The following KAT14 variants were observed in gnomAD, a reference collection of about 807,000 sequenced individuals.
KAT14 encodes the protein cysteine-rich protein 2-binding protein.
A neutral mutation model predicts 78.4 loss-of-function variants in KAT14; 66 were observed. The observed-to-expected ratio is 0.84, with a 90% CI of 0.69 to 1.03. The LOEUF (loss-of-function observed/expected upper bound fraction) is 1.03, where lower values mean the gene tolerates loss of function less well. Among genes scored for constraint, KAT14 ranks in the 50% least tolerant of loss-of-function variants. KAT14 has a pLI of 0.00. For missense variants in KAT14, 870 were observed against 972.5 expected, an observed-to-expected ratio of 0.89 and a Z score of 1.40; for synonymous variants, 344 against 359.4, an observed-to-expected ratio of 0.96 and a Z score of 0.48.
chr20:18,187,309 C>T lies in KAT14; in HGVS notation c.2196C>T (p.Thr732=), dbSNP rs41276420. ...AGACCTGCATGGGCAAGGACGTAACCCTTCACGTCTCAGCAAGCAACCCCG... is the reference window on the plus strand; with the variant it reads ...AGACCTGCATGGGCAAGGACGTAACTCTTCACGTCTCAGCAAGCAACCCCG... ...LIQTCMGKDV[T]LHVSASNPAM... is the part of the protein sequence containing the mutation. The change falls in exon 11 of 11, where the codon ACC becomes ACT. Residue 732 remains threonine, a synonymous_variant. Transcript: ENST00000688188. 3.6e-4 allele frequency: 581 copies of T among 1,612,314 alleles called. No homozygotes were observed. Among genetic ancestry groups the T allele is most frequent in the Non-Finnish European group, 4.8e-4 (570 of 1,179,550 alleles).
intron 5 of KAT14, among the ~76,000 whole-genome samples, chr20:18,161,597 A>G (rs1188685309): frequency 1.3e-5 from 2 of 152,172 alleles, no homozygotes; most frequent in Non-Finnish European, 2.9e-5. Flanking sequence ...GAAAATCCAA[A>G]ATCAAAAACA....
At position 18,142,199 on chromosome 20, in the gene KAT14, C is replaced by A. The variant is rs749629494; in HGVS notation, c.-453-9C>A. ...GGATGTTACTGAAATCTGTTTCTTA[C>A]GTTTTTAGAGGCTTCGTGACGGAGT... On this transcript the variant is annotated splice_polypyrimidine_tract_variant and intron_variant, in intron 1 of 10. Coordinates refer to ENST00000688188, the MANE Select transcript of KAT14 (RefSeq NM_001392073.1). 4 of 1,535,564 alleles carry A rather than the reference C, an allele frequency of 2.6e-6. No individual in the cohort carries two copies. Among genetic ancestry groups the A allele is most frequent in the Non-Finnish European group, 3.5e-6 (4 of 1,145,922 alleles).
chr20:18,158,475 C>A (rs942678363), intron 4 of KAT14, among the ~76,000 whole-genome samples: 1 of 152,104 alleles, frequency 6.6e-6, no homozygotes. Flanking sequence ...TTAGGGAACC[C>A]GGATAGTTGG....
chr20:18,140,272 C>G (rs995443332), intron 1 of KAT14, among the ~76,000 whole-genome samples: 1 of 151,762 alleles, frequency 6.6e-6, no homozygotes. Flanking sequence ...CCGTTTTTGT[C>G]TCAGTGGTGA....
At chr20:18,182,018 C>CT (rs1283446205) in intron 8 of KAT14, among the ~76,000 whole-genome samples, 172 bp downstream of exon 8, 1 of 152,092 alleles carries the variant, frequency 6.6e-6, no homozygotes, top group East Asian at 1.9e-4. Flanking sequence ...TGTTTCAACT[C>CT]TACTTTTTTG....
chr20:18,176,879 G>A (rs1433342241), intron 7 of KAT14, among the ~76,000 whole-genome samples: 1 of 152,188 alleles, frequency 6.6e-6, no homozygotes, highest in East Asian at 1.9e-4. Context: ...GATAGTATGG[G>A]TGTAAGAGTG....
chr20:18,184,475 C>T, intron 9 of KAT14, 127 bp from the exon 10 acceptor site: 5 of 888,680 alleles, frequency 5.6e-6, no homozygotes, highest in Non-Finnish European at 4.9e-6. Flanking sequence ...ATGTTACCTC[C>T]AGTTTTGGTG....
At chr20:18,146,614 G>T (rs1363740378) in intron 3 of KAT14, among the ~76,000 whole-genome samples, 1 of 152,142 alleles carries the variant, frequency 6.6e-6, no homozygotes. Context: ...AGCCGAGATC[G>T]CGCCACTGCA....
chr20:18,145,400 G>A (rs749434203), intron 3 of KAT14, 49 bp downstream of exon 3: 1 of 1,601,938 alleles, frequency 6.2e-7, no homozygotes, highest in African/African-American at 1.3e-5. Flanking sequence ...TCCCCCAGGA[G>A]TTTGTTGGAA....
chr20:18,139,633 C>CGT (rs71194228), intron 1 of KAT14, among the ~76,000 whole-genome samples: 2,188 of 141,654 alleles, frequency 0.015, 26 homozygotes, highest in Middle Eastern at 0.024. Context: ...ACCAAAATAA[C>CGT]GTGTGTGTGT....
Position 18,184,654 on chromosome 20 carries a change from T to G in KAT14, c.2034T>G (p.Leu678=). 6.2e-7 allele frequency: 1 copy of G among 1,613,964 alleles called. No homozygotes were observed. Among genetic ancestry groups the G allele is most frequent in the Non-Finnish European group, 8.5e-7 (1 of 1,179,978 alleles). Residue 678 remains leucine, a synonymous_variant, in exon 10 of 11, where the codon CTT becomes CTG. Coordinates refer to ENST00000688188, the MANE Select transcript of KAT14 (RefSeq NM_001392073.1). The part of the protein sequence containing the change: ...LQYPDFSVVV[L]YKKVIIAFGF... The stretch of plus-strand genomic sequence containing the variant: ...ACCCAGACTTCAGTGTTGTTGTTCT[T>G]TATAAAAAAGTCATCATTGCCTTTG...
intron 1 of KAT14, chr20:18,138,450 G>T (rs1035698538): frequency 1.3e-5 from 13 of 995,520 alleles, no homozygotes; most frequent in Non-Finnish European, 1.6e-5. Flanking sequence ...AGAAGGTGGG[G>T]AAGGAGTTTC....
In KAT14 at chr20:18,187,646, G is replaced by T. The variant is rs1600245532; in HGVS notation, c.*187G>T. On this transcript the variant is annotated 3_prime_UTR_variant, in exon 11 of 11. Coordinates refer to ENST00000688188, the MANE Select transcript of KAT14 (RefSeq NM_001392073.1). ...CAGTGAGCAGCCCTTTAGCAAAATC[G>T]CCCTCCAGTCCTTCCTGGAGATGCC... 2.3e-6 allele frequency: 2 copies of T among 859,744 alleles called. No homozygotes were observed. Among genetic ancestry groups the T allele is most frequent in the Non-Finnish European group, 3.4e-6 (2 of 593,078 alleles). The allele number at this position is 859,744 out of a possible 1,614,324, so 53.3% of individuals were successfully genotyped here. A position where few individuals can be genotyped will look rare whatever the true frequency, so the allele number is the denominator to read the frequency against.
At chr20:18,144,647 G>A (rs1391130660) in intron 2 of KAT14, among the ~76,000 whole-genome samples, 1 of 152,162 alleles carries the variant, frequency 6.6e-6, no homozygotes, top group Admixed American at 6.5e-5. Flanking sequence ...CATCACCTGA[G>A]GGACTAAGAA....
At chr20:18,145,949 G>A (rs928334254) in intron 3 of KAT14, among the ~76,000 whole-genome samples, 6 of 152,102 alleles carry the variant, frequency 3.9e-5, no homozygotes, top group African/African-American at 1.4e-4. Flanking sequence ...TTTTAAAGTG[G>A]AAAGATGGCT....
intron 1 of KAT14, among the ~76,000 whole-genome samples, chr20:18,140,727 G>T (rs923936177): frequency 6.9e-6 from 1 of 144,190 alleles, no homozygotes; most frequent in African/African-American, 2.6e-5. Flanking sequence ...CACAAGAATC[G>T]CTTTAACTCA....
chr20:18,154,202 C>T (rs774378264), intron 4 of KAT14, among the ~76,000 whole-genome samples: 18 of 152,154 alleles, frequency 1.2e-4, no homozygotes, highest in African/African-American at 4.1e-4. Flanking sequence ...ACAAGATTAC[C>T]GTACCCCAGA....
intron 2 of KAT14, 185 bp from the exon 3 acceptor site, chr20:18,145,048 A>G: frequency 7.4e-7 from 1 of 1,350,650 alleles, no homozygotes; most frequent in Non-Finnish European, 9.5e-7. Flanking sequence ...TAGTGGGCGT[A>G]TACTTGGTGT....
At chr20:18,181,196 A>G (rs1054457595) in intron 7 of KAT14, among the ~76,000 whole-genome samples, 1 of 152,108 alleles carries the variant, frequency 6.6e-6, no homozygotes, top group Non-Finnish European at 1.5e-5. Flanking sequence ...TTTTTATTTT[A>G]AACAGCTGGG....
Sources: gnomAD v4.1 joint callset for allele counts (sites outside exome capture counted in the v4.1 genomes callset) on GRCh38, gnomAD v4.1.1 for gene constraint, MANE v1.5 for transcripts, NCBI Gene and HGNC (gene_info 2026-07-23, HGNC 2026-07-21) for gene names.